The following CLIP1 variants were observed in gnomAD, a reference collection of about 807,000 sequenced individuals.
The protein encoded by CLIP1 is CAP-Gly domain-containing linker protein 1.
CLIP1 carries 66 observed loss-of-function variants against 161.6 expected under a neutral mutation model. The observed-to-expected ratio is 0.41, with a 90% CI of 0.33 to 0.50. The LOEUF is 0.50. Ranked by LOEUF, CLIP1 falls within the 20% of genes least tolerant of loss-of-function variation. The probability of loss-of-function intolerance (pLI) is 0.27; values close to 1 mark genes in which losing one functional copy is unlikely to be tolerated. For missense variants in CLIP1, 1,376 were observed against 1,702.0 expected, an observed-to-expected ratio of 0.81 and a Z score of 3.37; for synonymous variants, 598 against 626.2, an observed-to-expected ratio of 0.96 and a Z score of 0.67.
At chr12:122,417,517 T>C (rs1401807912) in intron 1 of CLIP1, among the ~76,000 whole-genome samples, 1 of 148,892 alleles carries the variant, frequency 6.7e-6, no homozygotes, top group Non-Finnish European at 1.5e-5. Flanking sequence ...TGCCTTTTTT[T>C]TTTTTTTTTT....
At chr12:122,317,293 G>A (rs1298166165) in intron 18 of CLIP1, among the ~76,000 whole-genome samples, 2 of 152,164 alleles carry the variant, frequency 1.3e-5, no homozygotes, top group African/African-American at 4.8e-5. Flanking sequence ...ATTTTTCAAT[G>A]TCAGTACCAG....
intron 13 of CLIP1, 110 bp downstream of exon 13, chr12:122,334,538 G>A (rs1321464153): frequency 2.7e-6 from 2 of 735,330 alleles, no homozygotes; most frequent in African/African-American, 1.8e-5. Flanking sequence ...ACTTCCAGGA[G>A]AGTGAAATTA....
intron 20 of CLIP1, among the ~76,000 whole-genome samples, chr12:122,294,720 AGAGT>A (rs1468559794): frequency 6.6e-6 from 1 of 152,142 alleles, no homozygotes; most frequent in Non-Finnish European, 1.5e-5. Flanking sequence ...CCTGGGTGAC[AGAGT>A]GAGACCCTGT....
chr12:122,373,504 A>G (rs1954559469), intron 3 of CLIP1, among the ~76,000 whole-genome samples: 1 of 152,018 alleles, frequency 6.6e-6, no homozygotes, highest in African/African-American at 2.4e-5. Context: ...CAAGGTGAAA[A>G]AAAGCACCAG....
intron 18 of CLIP1, 71 bp from the exon 19 acceptor site, chr12:122,316,926 C>A: frequency 6.5e-6 from 6 of 918,602 alleles, no homozygotes; most frequent in South Asian, 5.3e-5. Flanking sequence ...ACAAATTATT[C>A]ATGAAAATGT....
At chr12:122,309,653 G>A in intron 20 of CLIP1, 109 bp downstream of exon 20, 1 of 1,312,216 alleles carries the variant, frequency 7.6e-7, no homozygotes, top group South Asian at 1.4e-5. Flanking sequence ...ATTCCATTTG[G>A]AATGACCCCA....
At position 122,414,710 on chromosome 12, in the gene CLIP1, C is replaced by T. The variant is rs145644965; in HGVS notation, c.-107+7811G>A. ...TGATCTCTTGACCTTGTGATGCACC[C>T]GCCTCGGCCTCCCAAAGTGCTGGGA... is the stretch of plus-strand genomic sequence containing the variant. On this transcript the variant is annotated intron_variant, in intron 1 of 25. Transcript: ENST00000620786. 5.9e-3 allele frequency among the ~76,000 whole-genome samples: 902 copies of T among 151,754 alleles called. 6 individuals are homozygous for T. Among genetic ancestry groups the T allele is most frequent in the African/African-American group, 0.021 (859 of 41,392 alleles).
intron 1 of CLIP1, among the ~76,000 whole-genome samples, chr12:122,408,062 C>G (rs1374244894): frequency 2.6e-5 from 4 of 151,590 alleles, no homozygotes; most frequent in Admixed American, 6.6e-5. Context: ...ATGGCGAAAC[C>G]CCATCTCTAC....
chr12:122,328,921 C>T (rs1951819585), intron 15 of CLIP1, among the ~76,000 whole-genome samples: 1 of 152,074 alleles, frequency 6.6e-6, no homozygotes. Flanking sequence ...AATCATTTTA[C>T]CAGTTATGAT....
intron 1 of CLIP1, among the ~76,000 whole-genome samples, chr12:122,392,654 A>G (rs1044243981): frequency 6.6e-6 from 1 of 152,216 alleles, no homozygotes; most frequent in African/African-American, 2.4e-5. Flanking sequence ...AATGCCCGCT[A>G]CCACTCAGAC....
Position 122,354,574 on chromosome 12 carries a change from G to A in CLIP1, c.1204-18C>T, listed in dbSNP as rs953289119. The A allele has an allele frequency of 5.7e-6, 9 of 1,591,722 alleles. No individual in the cohort carries two copies. The highest frequency in any genetic ancestry group is 6.9e-6 in the Non-Finnish European group (8 of 1,160,126). ...AGGACATGCTGGGGAAGGCAAGAATGTCGGTAAATGGACTATTTCTGACCC... is the reference window on the plus strand; with the variant it reads ...AGGACATGCTGGGGAAGGCAAGAATATCGGTAAATGGACTATTTCTGACCC... On this transcript the variant is annotated intron_variant, in intron 6 of 25. Transcript: ENST00000620786.
At chr12:122,413,875 A>G (rs1348970071) in intron 1 of CLIP1, among the ~76,000 whole-genome samples, 1 of 124,796 alleles carries the variant, frequency 8.0e-6, no homozygotes, top group African/African-American at 4.7e-5. Context: ...AGATTAAAAG[A>G]AAAAAAAAAA....
intron 9 of CLIP1, among the ~76,000 whole-genome samples, chr12:122,349,521 G>A (rs1952918469): frequency 6.6e-6 from 1 of 152,096 alleles, no homozygotes; most frequent in Admixed American, 6.5e-5. Context: ...TCTCGAACTG[G>A]CTGGTCTCAA....
upstream of CLIP1, among the ~76,000 whole-genome samples, chr12:122,422,904 G>C (rs774035182): frequency 2.3e-4 from 35 of 151,962 alleles, no homozygotes; most frequent in Non-Finnish European, 4.4e-4. Context: ...AGCAAGGTGC[G>C]AGGGAAAACC....
In CLIP1 at chr12:122,271,671, C is replaced by A. The variant is rs574233547; in HGVS notation, c.*1204G>T. 2.0e-5 allele frequency: 3 copies of A among 152,666 alleles called. No homozygotes were observed. Among genetic ancestry groups the A allele is most frequent in the Admixed American group, 2.0e-4 (3 of 15,296 alleles). The allele number at this position is 152,666 out of a possible 1,614,324, so 9.5% of individuals were successfully genotyped here. A position where few individuals can be genotyped will look rare whatever the true frequency, so the allele number is the denominator to read the frequency against. On this transcript the variant is annotated 3_prime_UTR_variant, in exon 26 of 26. Transcript: ENST00000620786. ...TATTGTACATGTAGCATGGAAGATACATTTTATGACTTTTTACATATTCTA... is the reference window on the plus strand; with the variant it reads ...TATTGTACATGTAGCATGGAAGATAAATTTTATGACTTTTTACATATTCTA...
At chr12:122,371,360 A>G (rs952958082) in intron 3 of CLIP1, among the ~76,000 whole-genome samples, 1 of 152,174 alleles carries the variant, frequency 6.6e-6, no homozygotes, top group African/African-American at 2.4e-5. Flanking sequence ...GTCTAGACAG[A>G]CACCAAATTT....
At chr12:122,386,756 T>C (rs1289879945) in intron 1 of CLIP1, among the ~76,000 whole-genome samples, 1 of 151,428 alleles carries the variant, frequency 6.6e-6, no homozygotes, top group Non-Finnish European at 1.5e-5. Flanking sequence ...TCCCAAGACT[T>C]TGAGAAGCCG....
At chr12:122,347,321 G>C (rs771405185) in intron 10 of CLIP1, 54 bp downstream of exon 10, 7 of 1,289,120 alleles carry the variant, frequency 5.4e-6, no homozygotes, top group Non-Finnish European at 5.6e-6. Flanking sequence ...GTCACCTGAG[G>C]TGTCCACCCT....
At chr12:122,344,916 C>T (rs1593119832) in intron 10 of CLIP1, among the ~76,000 whole-genome samples, 1 of 151,960 alleles carries the variant, frequency 6.6e-6, no homozygotes, top group Non-Finnish European at 1.5e-5. Context: ...AGACATACTT[C>T]GTTATGGAAA....
Sources: allele counts gnomAD v4.1 joint callset (sites outside exome capture counted in the v4.1 genomes callset), GRCh38; gene constraint gnomAD v4.1.1; transcripts MANE v1.5; gene names NCBI Gene and HGNC (gene_info 2026-07-23, HGNC 2026-07-21).